The following GAN variants were observed in gnomAD, a reference collection of about 807,000 sequenced individuals.
GAN encodes epididymis secretory sperm binding protein.
GAN carries 48 observed loss-of-function variants against 71.3 expected under a neutral mutation model. The observed-to-expected ratio is 0.67, with a 90% CI of 0.53 to 0.86. The LOEUF (loss-of-function observed/expected upper bound fraction) is 0.86, where lower values mean the gene tolerates loss of function less well. Ranked by LOEUF, GAN falls within the 40% of genes least tolerant of loss-of-function variation. GAN has a pLI of 0.00. For missense variants in GAN, 928 were observed against 770.1 expected, an observed-to-expected ratio of 1.21 and a Z score of -2.43; for synonymous variants, 386 against 276.8, an observed-to-expected ratio of 1.39 and a Z score of -3.92.
At chr16:81,373,753 C>CT (rs1186412152) in intron 9 of GAN, among the ~76,000 whole-genome samples, 2 of 151,964 alleles carry the variant, frequency 1.3e-5, no homozygotes, top group African/African-American at 4.8e-5. Context: ...GTTCTTCATT[C>CT]TTTTTTTTGA....
intron 1 of GAN, among the ~76,000 whole-genome samples, chr16:81,326,542 AG>A (rs34512010): frequency 2.0e-4 from 30 of 152,268 alleles, no homozygotes; most frequent in African/African-American, 6.7e-4. Flanking sequence ...TCAAAAAAAA[AG>A]GATAATTGAG....
At chr16:81,368,856 C>G (rs968781522) in intron 9 of GAN, among the ~76,000 whole-genome samples, 2 of 152,176 alleles carry the variant, frequency 1.3e-5, no homozygotes, top group Admixed American at 6.5e-5. Flanking sequence ...GTGGCACATA[C>G]CTTTTTGCTC....
chr16:81,320,776 G>A (rs1909197802), intron 1 of GAN, among the ~76,000 whole-genome samples: 1 of 152,004 alleles, frequency 6.6e-6, no homozygotes, highest in Non-Finnish European at 1.5e-5. Context: ...AAATAAGCTG[G>A]GCTTGAGTCT....
chr16:81,370,561 C>T (rs1437239431), intron 9 of GAN, among the ~76,000 whole-genome samples: 9 of 152,216 alleles, frequency 5.9e-5, no homozygotes, highest in African/African-American at 2.2e-4. Flanking sequence ...AAGTATTTTC[C>T]CCATCCCACA....
intron 1 of GAN, among the ~76,000 whole-genome samples, chr16:81,328,813 C>G (rs1157026651): frequency 6.6e-6 from 1 of 152,140 alleles, no homozygotes; most frequent in Non-Finnish European, 1.5e-5. Flanking sequence ...CAGGGATTGG[C>G]AGACTTTTTC....
chr16:81,362,713 A>G, intron 6 of GAN, 102 bp downstream of exon 6: 1 of 752,048 alleles, frequency 1.3e-6, no homozygotes, highest in Non-Finnish European at 2.4e-6. Flanking sequence ...CAGCCTTGTC[A>G]AGCCACCTGC....
chr16:81,316,313 A>G (rs978232709), intron 1 of GAN, among the ~76,000 whole-genome samples: 1 of 151,230 alleles, frequency 6.6e-6, no homozygotes, highest in Non-Finnish European at 1.5e-5. Context: ...AATGATGTGT[A>G]TTCTTAGCGC....
Position 81,315,178 on chromosome 16 carries a change from C to A in GAN, c.65C>A (p.Ser22Tyr). Reference sequence around the variant, plus strand: ...GCGCGTCTGCTGCGAGCGCTCAGCTCTTTCCGCGAGGAGTCTCGCTTCTGC... The same window carrying A: ...GCGCGTCTGCTGCGAGCGCTCAGCTATTTCCGCGAGGAGTCTCGCTTCTGC... ...HAARLLRALS[S>Y]FREESRFCDA... Residue 22 changes from serine (S) to tyrosine (Y), a missense_variant, in exon 1 of 11, where the codon TCT (serine) becomes TAT (tyrosine). Coordinates refer to ENST00000648994, the MANE Select transcript of GAN (RefSeq NM_022041.4). 1.3e-6 allele frequency: 2 copies of A among 1,571,724 alleles called. No homozygotes were observed. The highest frequency in any genetic ancestry group is 8.6e-7 in the Non-Finnish European group (1 of 1,161,330).
At chr16:81,354,360 T>C (rs780979004) in intron 2 of GAN, 45 bp from the exon 3 acceptor site, 2 of 1,282,454 alleles carry the variant, frequency 1.6e-6, no homozygotes, top group East Asian at 4.6e-5. Flanking sequence ...GTTTGGGTTT[T>C]AAATGTACAC....
In GAN at chr16:81,385,465, TAAGGCTCCC is replaced by T. The variant is rs1904372086; in HGVS notation, c.*7878_*7886del. 1 of 152,206 alleles carries T rather than the reference TAAGGCTCCC, an allele frequency of 6.6e-6. No homozygotes were observed. Among genetic ancestry groups the T allele is most frequent in the Admixed American group, 6.5e-5 (1 of 15,280 alleles). 9.4% of individuals were successfully genotyped at this position (152,206 alleles called of 1,614,324 possible). A position where few individuals can be genotyped will look rare whatever the true frequency, so the allele number is the denominator to read the frequency against. Reference sequence around the variant, plus strand: ...ACTACTCTGTGACTTGGGAAGCTCTTAAGGCTCCCAAGGCTCCGTTTCTTATGTGGAAGA... The same window carrying T: ...ACTACTCTGTGACTTGGGAAGCTCTTAAGGCTCCGTTTCTTATGTGGAAGA... On this transcript the variant is annotated 3_prime_UTR_variant, in exon 11 of 11. Coordinates refer to ENST00000648994, the MANE Select transcript of GAN (RefSeq NM_022041.4).
chr16:81,349,425 G>A (rs537366301), intron 1 of GAN, among the ~76,000 whole-genome samples: 1 of 152,224 alleles, frequency 6.6e-6, no homozygotes, highest in East Asian at 1.9e-4. Context: ...GAGGTGGGCA[G>A]ATCAGTTTAG....
chr16:81,315,588 G>T (rs1330923013), intron 1 of GAN, among the ~76,000 whole-genome samples: 2 of 152,050 alleles, frequency 1.3e-5, no homozygotes, highest in Non-Finnish European at 2.9e-5. Context: ...CGCGGCGAGC[G>T]CCCGACCTCG....
chr16:81,373,556 C>T (rs1904274431), intron 9 of GAN, among the ~76,000 whole-genome samples: 1 of 152,194 alleles, frequency 6.6e-6, no homozygotes, highest in Non-Finnish European at 1.5e-5. Context: ...TAACATCTTA[C>T]ATGACCGTAG....
chr16:81,369,773 AG>A (rs1340064759), intron 9 of GAN, among the ~76,000 whole-genome samples: 3 of 152,086 alleles, frequency 2.0e-5, no homozygotes, highest in African/African-American at 7.2e-5. Context: ...TAGTAGAGGC[AG>A]GGTTTCACCG....
chr16:81,367,317 G>C (rs1451438675), intron 9 of GAN, among the ~76,000 whole-genome samples: 1 of 151,970 alleles, frequency 6.6e-6, no homozygotes, highest in Non-Finnish European at 1.5e-5. Context: ...GAGGCCAGGA[G>C]TTCAAAACCA....
At chr16:81,363,289 A>G (rs1910740258) in intron 6 of GAN, among the ~76,000 whole-genome samples, 1 of 152,190 alleles carries the variant, frequency 6.6e-6, no homozygotes, top group Non-Finnish European at 1.5e-5. Context: ...GTGAGCTATT[A>G]TGGGTTAAAA....
chr16:81,379,003 A>G lies in GAN; in HGVS notation c.*1407A>G, dbSNP rs573121891. 2 of 152,038 alleles carry G rather than the reference A, an allele frequency of 1.3e-5. No homozygotes were observed. Among genetic ancestry groups the G allele is most frequent in the Non-Finnish European group, 2.9e-5 (2 of 68,004 alleles). The allele number at this position is 152,038 out of a possible 1,614,324, so 9.4% of individuals were successfully genotyped here. On this transcript the variant is annotated 3_prime_UTR_variant, in exon 11 of 11. Coordinates refer to ENST00000648994, the MANE Select transcript of GAN (RefSeq NM_022041.4). ...ATGTCAAATTTCTAATCAATTTAAT[A>G]TACAGTACTTCATTTTTAATTGTTT...
At chr16:81,350,323 C>G (rs77198259) in intron 1 of GAN, among the ~76,000 whole-genome samples, 2 of 152,088 alleles carry the variant, frequency 1.3e-5, no homozygotes, top group African/African-American at 4.8e-5. Context: ...ATATTTCACT[C>G]ATTCAATTGA....
intron 8 of GAN, 27 bp downstream of exon 8, chr16:81,365,137 A>C: frequency 6.2e-7 from 1 of 1,611,096 alleles, no homozygotes; most frequent in Non-Finnish European, 8.5e-7. Context: ...TGGACTTTGT[A>C]GATTCCCTTG....
Sources: allele counts gnomAD v4.1 joint callset (sites outside exome capture counted in the v4.1 genomes callset), GRCh38; gene constraint gnomAD v4.1.1; transcripts MANE v1.5; gene names NCBI Gene and HGNC (gene_info 2026-07-23, HGNC 2026-07-21).